STPG4: variants seen among roughly 807,000 people sequenced by gnomAD.
STPG4 encodes sperm-tail PG-rich repeat containing 4.
STPG4 carries 41 observed loss-of-function variants against 31.5 expected under a neutral mutation model. That is an observed-to-expected ratio of 1.30 (90% CI 1.01 to 1.69). The LOEUF (loss-of-function observed/expected upper bound fraction) is 1.69, where lower values mean the gene tolerates loss of function less well. STPG4 is among the 40% of genes most tolerant of loss of function. The pLI, the probability that STPG4 is intolerant of heterozygous loss-of-function variation, is 0.00. For missense variants in STPG4, 375 were observed against 293.4 expected, an observed-to-expected ratio of 1.28 and a Z score of -2.03; for synonymous variants, 141 against 103.0, an observed-to-expected ratio of 1.37 and a Z score of -2.24.
chr2:47,108,113 A>C (rs1341120222), intron 5 of STPG4, among the ~76,000 whole-genome samples: 3 of 151,534 alleles, frequency 2.0e-5, no homozygotes, highest in African/African-American at 7.3e-5. Flanking sequence ...GTATCTAGTT[A>C]ATCTAGTGGG....
chr2:47,111,124 C>G (rs1686028254), intron 5 of STPG4, among the ~76,000 whole-genome samples: 2 of 152,076 alleles, frequency 1.3e-5, no homozygotes, highest in Non-Finnish European at 2.9e-5. Context: ...CTGCCAAACT[C>G]CTTTCAAAGA....
At chr2:47,132,761 G>A (rs1271074573) in intron 3 of STPG4, among the ~76,000 whole-genome samples, 1 of 151,986 alleles carries the variant, frequency 6.6e-6, no homozygotes, top group Non-Finnish European at 1.5e-5. Context: ...TTTGCTTTAT[G>A]CTTCTTTCTC....
intron 5 of STPG4, among the ~76,000 whole-genome samples, chr2:47,115,615 C>G (rs1323055264): frequency 6.8e-6 from 1 of 146,522 alleles, no homozygotes; most frequent in East Asian, 2.0e-4. Flanking sequence ...TTCCATCCTT[C>G]TGTCTGTTTA....
intron 3 of STPG4, among the ~76,000 whole-genome samples, chr2:47,131,327 A>T (rs564872567): frequency 6.6e-6 from 1 of 151,764 alleles, no homozygotes; most frequent in African/African-American, 2.4e-5. Flanking sequence ...AACTCTCACT[A>T]TGTTGCCCAA....
chr2:47,087,186 G>A, intron 6 of STPG4, 56 bp from the exon 7 acceptor site: 2 of 1,541,884 alleles, frequency 1.3e-6, no homozygotes, highest in African/African-American at 1.4e-5. Context: ...AAACCCTGAG[G>A]CTCCTGTGCC....
At chr2:47,090,200 G>A (rs1685540316) in intron 6 of STPG4, 70 bp downstream of exon 6, 2 of 1,094,234 alleles carry the variant, frequency 1.8e-6, no homozygotes, top group South Asian at 1.3e-5. Flanking sequence ...TACACACATA[G>A]AAACAGAAAA....
In STPG4 at chr2:47,105,484, G is replaced by A. The variant is rs189767097; in HGVS notation, c.520-15110C>T. Among the ~76,000 whole-genome samples, 75 of 152,158 alleles carry A rather than the reference G, an allele frequency of 4.9e-4. 1 individual carries two copies. Among genetic ancestry groups the A allele is most frequent in the South Asian group, 2.3e-3 (11 of 4,818 alleles). ...ACTGGTGCTTCAAATACACACCTGCGTGGCCCTCAACCCTGCCACTTTTCT... is the reference window on the plus strand; with the variant it reads ...ACTGGTGCTTCAAATACACACCTGCATGGCCCTCAACCCTGCCACTTTTCT... On this transcript the variant is annotated intron_variant, in intron 5 of 6. Coordinates refer to ENST00000445927, the MANE Select transcript of STPG4 (RefSeq NM_001163561.2).
chr2:47,109,326 G>A (rs941005989), intron 5 of STPG4, among the ~76,000 whole-genome samples: 1 of 152,194 alleles, frequency 6.6e-6, no homozygotes, highest in Admixed American at 6.5e-5. Context: ...GGAGGCAGAG[G>A]TGGGCAGATC....
chr2:47,130,547 G>C (rs549569505), intron 3 of STPG4, among the ~76,000 whole-genome samples: 1 of 152,002 alleles, frequency 6.6e-6, no homozygotes, highest in Non-Finnish European at 1.5e-5. Context: ...ATGGAGTCTC[G>C]CTCTGTCGCC....
At chr2:47,101,604 C>T (rs904151897) in intron 5 of STPG4, among the ~76,000 whole-genome samples, 4 of 151,782 alleles carry the variant, frequency 2.6e-5, no homozygotes, top group African/African-American at 7.3e-5. Context: ...CTCCAGGACT[C>T]TGTTACCTTC....
Position 47,086,998 on chromosome 2 carries a change from C to T in STPG4, c.*10G>A. ...TAAACCTCAAAGTAGAGCTTGGTGC[C>T]AAGATCACTTTATTTTAAAAGCCAA... is the stretch of plus-strand genomic sequence containing the variant. On this transcript the variant is annotated 3_prime_UTR_variant, in exon 7 of 7. Transcript: ENST00000445927. The T allele has an allele frequency of 6.4e-7, 1 of 1,551,528 alleles. No homozygotes were observed. Among genetic ancestry groups the T allele is most frequent in the Non-Finnish European group, 8.7e-7 (1 of 1,146,916 alleles).
In STPG4 at chr2:47,089,004, C is replaced by G. The variant is rs539967591; in HGVS notation, c.624+1266G>C. On this transcript the variant is annotated intron_variant, in intron 6 of 6. Coordinates refer to ENST00000445927, the MANE Select transcript of STPG4 (RefSeq NM_001163561.2). Reference sequence around the variant, plus strand: ...TGAGAACATCAAGCTCAGTTCCCCTCCCCTGATTTCACTGCCACCAACAAC... The same window carrying G: ...TGAGAACATCAAGCTCAGTTCCCCTGCCCTGATTTCACTGCCACCAACAAC... 2.1e-4 allele frequency among the ~76,000 whole-genome samples: 32 copies of G among 152,302 alleles called. No homozygotes were observed. In the South Asian group the frequency reaches 6.4e-3, roughly 31 times the overall value.
intron 5 of STPG4, among the ~76,000 whole-genome samples, chr2:47,121,325 C>G (rs1450182295): frequency 6.6e-6 from 1 of 152,104 alleles, no homozygotes; most frequent in East Asian, 1.9e-4. Flanking sequence ...AGGATGTGGG[C>G]CTTTACTGAA....
chr2:47,110,885 T>A (rs936794538), intron 5 of STPG4, among the ~76,000 whole-genome samples: 1 of 152,250 alleles, frequency 6.6e-6, no homozygotes. Flanking sequence ...CATAATATTC[T>A]TTTAAAATGA....
chr2:47,120,099 C>T (rs182128734), intron 5 of STPG4, among the ~76,000 whole-genome samples: 2 of 152,046 alleles, frequency 1.3e-5, no homozygotes, highest in Admixed American at 6.6e-5. Flanking sequence ...GGGAGGCTAA[C>T]GTGGGTGGAT....
chr2:47,147,779 A>G (rs1209361042), intron 3 of STPG4, among the ~76,000 whole-genome samples: 1 of 151,552 alleles, frequency 6.6e-6, no homozygotes, highest in African/African-American at 2.4e-5. Flanking sequence ...GTACATATGG[A>G]GAAGGTGGTC....
At position 47,130,189 on chromosome 2, in the gene STPG4, T is replaced by A. The variant is rs757005698; in HGVS notation, c.464+7A>T. On this transcript the variant is annotated splice_region_variant and intron_variant, in intron 4 of 6. Coordinates refer to ENST00000445927, the MANE Select transcript of STPG4 (RefSeq NM_001163561.2). ...AAAGGCAGCTTATTTAATAAGTATA[T>A]AATTACCTGGAAGCATATTTGGGAA... is the stretch of plus-strand genomic sequence containing the variant. The A allele has an allele frequency of 3.4e-5, 55 of 1,611,150 alleles. No homozygotes were observed. Among genetic ancestry groups the A allele is most frequent in the Non-Finnish European group, 4.6e-5 (54 of 1,177,416 alleles).
chr2:47,111,818 ATAACG>A (rs1686041949), intron 5 of STPG4, among the ~76,000 whole-genome samples: 3 of 152,214 alleles, frequency 2.0e-5, no homozygotes, highest in Non-Finnish European at 2.9e-5. Context: ...TATTTCGAAA[ATAACG>A]TAAATAGCCA....
intron 5 of STPG4, among the ~76,000 whole-genome samples, chr2:47,108,980 C>T (rs1259243744): frequency 6.6e-6 from 1 of 152,222 alleles, no homozygotes; most frequent in Middle Eastern, 3.2e-3. Flanking sequence ...CAGTACCTAA[C>T]GTGCCAAGGT....
Sources: allele counts gnomAD v4.1 joint callset (sites outside exome capture counted in the v4.1 genomes callset), GRCh38; gene constraint gnomAD v4.1.1; transcripts MANE v1.5; gene names NCBI Gene and HGNC (gene_info 2026-07-23, HGNC 2026-07-21).